The following GPR137 variants were observed in gnomAD, a reference collection of about 807,000 sequenced individuals.
GPR137 encodes the protein integral membrane protein GPR137.
In GPR137, 20 loss-of-function variants were observed where a neutral mutation model predicts 38.9. The ratio of observed to expected loss-of-function variants is 0.51; its 90% CI spans 0.36 to 0.75. The LOEUF is 0.75. GPR137 is among the 30% of genes least tolerant of loss of function. The probability of loss-of-function intolerance (pLI) is 0.00; values close to 1 mark genes in which losing one functional copy is unlikely to be tolerated. For missense variants in GPR137, 456 were observed against 526.4 expected, an observed-to-expected ratio of 0.87 and a Z score of 1.31; for synonymous variants, 226 against 235.8, an observed-to-expected ratio of 0.96 and a Z score of 0.38.
Position 64,286,567 on chromosome 11 carries a change from G to T in GPR137, c.43G>T (p.Val15Leu), listed in dbSNP as rs1173885885. 8 of 1,613,676 alleles carry T rather than the reference G, an allele frequency of 5.0e-6. No homozygotes were observed. Among genetic ancestry groups the T allele is most frequent in the Admixed American group, 1.7e-5 (1 of 60,014 alleles). ...TGGCCTGGTGCCTGCTGCCGGGCTGGTGCCTGCGCTGCCACCTGCTGTGAC... is the reference window on the plus strand; with the variant it reads ...TGGCCTGGTGCCTGCTGCCGGGCTGTTGCCTGCGCTGCCACCTGCTGTGAC... ...LSGLVPAAGLVPALPPAVTLG... is the reference protein window; with the variant it reads ...LSGLVPAAGLLPALPPAVTLG... Residue 15 changes from valine to leucine, a missense_variant, in exon 1 of 7, where the codon GTG becomes TTG. Physicochemically the swap from Val to Leu is conservative, Grantham distance 32. Coordinates refer to ENST00000438980, the MANE Select transcript of GPR137 (RefSeq NM_001170880.2).
upstream of GPR137, chr11:64,271,707 C>A: frequency 2.0e-6 from 3 of 1,471,332 alleles, no homozygotes; most frequent in Non-Finnish European, 9.0e-7. Context: ...GCGCGAGCGG[C>A]CCCGAAAGGG....
In GPR137 at chr11:64,286,014, A is replaced by G; in HGVS notation, c.-511A>G. 1.0e-6 allele frequency: 1 copy of G among 985,084 alleles called. No individual in the cohort carries two copies. Among genetic ancestry groups the G allele is most frequent in the South Asian group, 4.7e-5 (1 of 21,350 alleles). The allele number at this position is 985,084 out of a possible 1,614,324, so 61.0% of individuals were successfully genotyped here. ...GGGGCAGCTTTCGAGAATTACGAGG[A>G]CAGGAGGCAGAGGCCCTCCCCATCC... On this transcript the variant is annotated 5_prime_UTR_variant, in exon 1 of 7. Transcript: ENST00000438980.
rs1208906438 is a variant in GPR137, at chr11:64,288,067, G to T, written c.636G>T (p.Gly212=). The part of the protein sequence containing the change: ...PSTSIYLEAK[G]TSVCQAAAMG... Reference sequence around the variant, plus strand: ...TCCTCTGTTGTTACCTGTGCCAGGGGACCAGTGTGTGCCAGGCGGCCGCGA... The same window carrying T: ...TCCTCTGTTGTTACCTGTGCCAGGGTACCAGTGTGTGCCAGGCGGCCGCGA... The change falls in exon 4 of 7, where the codon GGG becomes GGT. Residue 212 remains glycine, a splice_region_variant and synonymous_variant. Transcript: ENST00000438980. The surrounding 1 kb of genome is among the most constrained non-coding windows in gnomAD (Gnocchi z 5.5). 4 of 1,610,210 alleles carry T rather than the reference G, an allele frequency of 2.5e-6. No homozygotes were observed. The highest frequency in any genetic ancestry group is 1.7e-5 in the Admixed American group (1 of 60,024).
upstream of GPR137, among the ~76,000 whole-genome samples, chr11:64,273,521 C>G (rs1358546330): frequency 6.6e-6 from 1 of 152,138 alleles, no homozygotes; most frequent in African/African-American, 2.4e-5. Flanking sequence ...CACTCCTCTA[C>G]CCAGACCGAT....
chr11:64,270,802 C>T (rs977582922), upstream of GPR137: 13 of 396,612 alleles, frequency 3.3e-5, no homozygotes, highest in Non-Finnish European at 6.5e-5. Flanking sequence ...CAGCAAGGAG[C>T]ACAAATACCA....
chr11:64,286,504 A>G lies in GPR137; in HGVS notation c.-21A>G. The G allele has an allele frequency of 1.9e-6, 3 of 1,593,846 alleles. No homozygotes were observed. The highest frequency in any genetic ancestry group is 1.1e-5 in the South Asian group (1 of 88,212). On this transcript the variant is annotated 5_prime_UTR_variant, in exon 1 of 7. Coordinates refer to ENST00000438980, the MANE Select transcript of GPR137 (RefSeq NM_001170880.2). ...CAGTCCCTCCTTGTCTGTCTCCGGG[A>G]TTCAGGCCTCCCTCCCTGACATGGA... is the stretch of plus-strand genomic sequence containing the variant.
chr11:64,274,485 G>A (rs1186585481), upstream of GPR137, among the ~76,000 whole-genome samples: 6 of 151,944 alleles, frequency 3.9e-5, no homozygotes, highest in South Asian at 2.1e-4. Flanking sequence ...CCAGGAGTTC[G>A]AGATCAGCCT....
At chr11:64,280,358 A>T (rs2033375914), upstream of GPR137, among the ~76,000 whole-genome samples, 1 of 132,316 alleles carries the variant, frequency 7.6e-6, no homozygotes, top group African/African-American at 2.8e-5. Context: ...AATAATAATA[A>T]TTTTTTTTTT....
intron 2 of GPR137, chr11:64,276,759 G>C (rs2033095880): frequency 1.7e-6 from 1 of 599,084 alleles, no homozygotes; most frequent in East Asian, 2.9e-5. Flanking sequence ...GAAGGGAAGG[G>C]GTGTGGCTCC....
In GPR137 at chr11:64,289,297, C is replaced by G. The variant is rs945401079; in HGVS notation, c.*101C>G. 1.2e-6 allele frequency: 2 copies of G among 1,613,052 alleles called. No individual in the cohort carries two copies. Among genetic ancestry groups the G allele is most frequent in the South Asian group, 1.1e-5 (1 of 91,042 alleles). ...GCTTCTTGCCCAGGATCCTGGGGGT[C>G]GTGGCTACCCCCTCCTCTGGCCGGC... On this transcript the variant is annotated 3_prime_UTR_variant, in exon 7 of 7. Coordinates refer to ENST00000438980, the MANE Select transcript of GPR137 (RefSeq NM_001170880.2).
At chr11:64,277,736 A>T (rs960271994) in intron 2 of GPR137, among the ~76,000 whole-genome samples, 1 of 152,146 alleles carries the variant, frequency 6.6e-6, no homozygotes, top group African/African-American at 2.4e-5. Context: ...GCTGGCTGGC[A>T]AATGTTTGTT....
At chr11:64,285,073 G>T, upstream of GPR137, 1 of 1,091,982 alleles carries the variant, frequency 9.2e-7, no homozygotes, top group Non-Finnish European at 1.1e-6. Context: ...TGCGGGCGAA[G>T]GCGCTTGGCA....
intron 2 of GPR137, 129 bp from the exon 3 acceptor site, chr11:64,287,592 G>A: frequency 6.7e-7 from 1 of 1,498,922 alleles, no homozygotes; most frequent in Non-Finnish European, 8.9e-7. Context: ...CCATCTGTAA[G>A]AGTGGAGGAA....
upstream of GPR137, among the ~76,000 whole-genome samples, chr11:64,282,795 C>A (rs2033565430): frequency 6.6e-6 from 1 of 150,694 alleles, no homozygotes. Context: ...AGGAGAACTG[C>A]TTGAACCCAG....
Position 64,286,177 on chromosome 11 carries a change from AC to A in GPR137, c.-346del, listed in dbSNP as rs2034006977. The A allele has an allele frequency of 9.4e-7, 1 of 1,065,642 alleles. No individual in the cohort carries two copies. The highest frequency in any genetic ancestry group is 5.3e-5 in the Admixed American group (1 of 18,946). The allele number at this position is 1,065,642 out of a possible 1,614,324, so 66.0% of individuals were successfully genotyped here. A position where few individuals can be genotyped will look rare whatever the true frequency, so the allele number is the denominator to read the frequency against. On this transcript the variant is annotated 5_prime_UTR_variant, in exon 1 of 7. The change abolishes the stop of an existing upstream ORF in the 5' untranslated region. Coordinates refer to ENST00000438980, the MANE Select transcript of GPR137 (RefSeq NM_001170880.2). The stretch of plus-strand genomic sequence containing the variant: ...CCCTCCACCCAGGACGACATGAACG[AC>A]CGAGGCCAGGGAGTCCTCTCCTTGG...
Position 64,286,672 on chromosome 11 carries a change from C to T in GPR137, c.148C>T (p.Leu50=), listed in dbSNP as rs910309249. ...SVYAQLWLVL[L]YGHKRLSYQT... ...CTATGCCCAGCTCTGGCTGGTGCTTCTGTATGGGCACAAGCGTCTCAGCTA... is the reference window on the plus strand; with the variant it reads ...CTATGCCCAGCTCTGGCTGGTGCTTTTGTATGGGCACAAGCGTCTCAGCTA... The change falls in exon 1 of 7, where the codon CTG becomes TTG. Residue 50 remains leucine, a synonymous_variant. Coordinates refer to ENST00000438980, the MANE Select transcript of GPR137 (RefSeq NM_001170880.2). The T allele has an allele frequency of 6.8e-6, 11 of 1,613,874 alleles. No homozygotes were observed. Among genetic ancestry groups the T allele is most frequent in the Non-Finnish European group, 8.5e-6 (10 of 1,179,768 alleles).
upstream of GPR137, among the ~76,000 whole-genome samples, chr11:64,274,587 C>T (rs2032907284): frequency 6.6e-6 from 1 of 151,926 alleles, no homozygotes; most frequent in African/African-American, 2.4e-5. Context: ...CTTTGGGAGC[C>T]CAAGGCAGGT....
At position 64,288,008 on chromosome 11, in the gene GPR137, G is replaced by C. The variant is rs762457037; in HGVS notation, c.634-57G>C. On this transcript the variant is annotated intron_variant, in intron 3 of 6. Coordinates refer to ENST00000438980, the MANE Select transcript of GPR137 (RefSeq NM_001170880.2). This position sits in a 1 kb window ranked among gnomAD's most constrained non-coding sequence, Gnocchi z 5.5. ...GTCTCTCGGCAGCGGTTCTCAGGGT[G>C]TAGAGGAAGCTGGGAGCCTTCTCTC... is the stretch of plus-strand genomic sequence containing the variant. 2 of 1,603,380 alleles carry C rather than the reference G, an allele frequency of 1.2e-6. No individual in the cohort carries two copies. Among genetic ancestry groups the C allele is most frequent in the Admixed American group, 3.3e-5 (2 of 59,998 alleles).
At chr11:64,274,769 C>A (rs553333655), upstream of GPR137, among the ~76,000 whole-genome samples, 36 of 150,230 alleles carry the variant, frequency 2.4e-4, no homozygotes, top group Admixed American at 4.6e-4. Context: ...TGCAGTGAGC[C>A]GAGATTGCAC....
Sources: gnomAD v4.1 joint callset for allele counts (sites outside exome capture counted in the v4.1 genomes callset) on GRCh38, gnomAD v4.1.1 for gene constraint, Gnocchi (gnomAD v3.1) non-coding constraint, MANE v1.5 for transcripts, NCBI Gene and HGNC (gene_info 2026-07-23, HGNC 2026-07-21) for gene names.